The following SIPA1L3 variants were observed in gnomAD, a reference collection of about 807,000 sequenced individuals.
SIPA1L3 encodes signal-induced proliferation-associated 1-like protein 3.
In SIPA1L3, 59 loss-of-function variants were observed where a neutral mutation model predicts 150.1. The observed-to-expected ratio is 0.39, with a 90% CI of 0.32 to 0.49. The LOEUF (loss-of-function observed/expected upper bound fraction) is 0.49, where lower values mean the gene tolerates loss of function less well. Among genes scored for constraint, SIPA1L3 ranks in the 20% least tolerant of loss-of-function variants. The pLI is 0.86. For missense variants in SIPA1L3, 2,211 were observed against 2,489.5 expected (o/e 0.89, Z 2.38); for synonymous variants, 1,070 against 1,077.6 (o/e 0.99, Z 0.14).
chr19:38,033,765 G>A (rs921663684), intron 2 of SIPA1L3, among the ~76,000 whole-genome samples: 6 of 152,102 alleles, frequency 3.9e-5, no homozygotes, highest in Non-Finnish European at 7.4e-5. Context: ...GGAACACAGC[G>A]ACTGGGCTTG....
At chr19:38,200,229 A>G (rs1973054392) in intron 19 of SIPA1L3, 1 of 152,136 alleles carries the variant, frequency 6.6e-6, no homozygotes, top group African/African-American at 2.4e-5. Flanking sequence ...CTAATTTTAA[A>G]ATTAGCCAGG....
At position 38,192,316 on chromosome 19, in the gene SIPA1L3, T is replaced by TAGGG. The variant is rs373039025; in HGVS notation, c.4596+7_4596+10dup. On this transcript the variant is annotated splice_region_variant and intron_variant, in intron 17 of 21. Coordinates refer to ENST00000222345, the MANE Select transcript of SIPA1L3 (RefSeq NM_015073.3). Reference sequence around the variant, plus strand: ...AGCAGGAGAGAGACACGGGAGTACGTAGGGCCCTGTCCCCCGCTCCCGACC... The same window carrying TAGGG: ...AGCAGGAGAGAGACACGGGAGTACGTAGGGAGGGCCCTGTCCCCCGCTCCCGACC... 1 of 1,592,930 alleles carries TAGGG rather than the reference T, an allele frequency of 6.3e-7. No individual in the cohort carries two copies. Among genetic ancestry groups the TAGGG allele is most frequent in the African/African-American group, 1.4e-5 (1 of 73,736 alleles).
At chr19:38,112,576 A>T (rs907088311) in intron 8 of SIPA1L3, among the ~76,000 whole-genome samples, 3 of 152,196 alleles carry the variant, frequency 2.0e-5, no homozygotes, top group Non-Finnish European at 4.4e-5. Flanking sequence ...TTATTATGCA[A>T]TATTTTAACC....
At chr19:38,066,453 C>T (rs937406891) in intron 2 of SIPA1L3, among the ~76,000 whole-genome samples, 1 of 152,172 alleles carries the variant, frequency 6.6e-6, no homozygotes, top group Non-Finnish European at 1.5e-5. Context: ...ACAGTCAAAG[C>T]ATCGTGTACC....
chr19:38,205,953 G>A (rs1973200258), intron 21 of SIPA1L3, 144 bp from the exon 22 acceptor site: 2 of 908,572 alleles, frequency 2.2e-6, no homozygotes, highest in Non-Finnish European at 3.2e-6. Flanking sequence ...GAGGCAGAGT[G>A]GGATGTGTGC....
intron 15 of SIPA1L3, among the ~76,000 whole-genome samples, chr19:38,178,427 C>T (rs1972489666): frequency 6.6e-6 from 1 of 151,178 alleles, no homozygotes; most frequent in South Asian, 2.1e-4. Flanking sequence ...AGCCACCATG[C>T]CCGGCCTTGT....
intron 2 of SIPA1L3, among the ~76,000 whole-genome samples, chr19:38,039,560 G>A (rs1274187041): frequency 1.3e-5 from 2 of 151,942 alleles, no homozygotes; most frequent in Non-Finnish European, 2.9e-5. Context: ...CTGACGTGGT[G>A]GCACGCGCAT....
intron 2 of SIPA1L3, among the ~76,000 whole-genome samples, chr19:38,039,831 TG>T: frequency 6.6e-6 from 1 of 152,078 alleles, no homozygotes; most frequent in Middle Eastern, 3.4e-3. Context: ...TCAAAAATGT[TG>T]AATTCAGCAG....
chr19:38,154,623 T>C (rs566064421), intron 13 of SIPA1L3, among the ~76,000 whole-genome samples: 2 of 152,186 alleles, frequency 1.3e-5, no homozygotes, highest in African/African-American at 4.8e-5. Context: ...AATTTTTGTA[T>C]TTTTAGTAGA....
chr19:38,071,256 T>G (rs1390626826), intron 2 of SIPA1L3, among the ~76,000 whole-genome samples: 9 of 144,736 alleles, frequency 6.2e-5, no homozygotes, highest in African/African-American at 2.1e-4. Context: ...TATCTATCTA[T>G]CTATCTATCT....
At chr19:37,958,808 C>T (rs1599841325) in intron 1 of SIPA1L3, among the ~76,000 whole-genome samples, 1 of 152,162 alleles carries the variant, frequency 6.6e-6, no homozygotes, top group East Asian at 1.9e-4. Flanking sequence ...GACTTATGTG[C>T]TGAATATACA....
At chr19:37,910,951 A>C (rs756214228) in intron 1 of SIPA1L3, among the ~76,000 whole-genome samples, 1 of 151,802 alleles carries the variant, frequency 6.6e-6, no homozygotes, top group Non-Finnish European at 1.5e-5. Context: ...GCGTGTGTGT[A>C]TGTATGTGAT....
At chr19:38,169,554 T>G (rs1972282040) in intron 15 of SIPA1L3, among the ~76,000 whole-genome samples, 1 of 152,182 alleles carries the variant, frequency 6.6e-6, no homozygotes, top group Admixed American at 6.5e-5. Flanking sequence ...ACCACATACC[T>G]ACATCATAGG....
At position 38,162,348 on chromosome 19, in the gene SIPA1L3, G is replaced by T. The variant is rs377007113; in HGVS notation, c.3757G>T (p.Asp1253Tyr). The change falls in exon 14 of 22, where the codon GAT becomes TAT. Residue 1253 changes from aspartate to tyrosine, a missense_variant. Physicochemically the swap from Asp to Tyr is radical, Grantham distance 160. Around this residue, in one of 5 missense-constraint regions of SIPA1L3, gnomAD observed 806 missense variants for 870.1 expected, o/e 0.93. Coordinates refer to ENST00000222345, the MANE Select transcript of SIPA1L3 (RefSeq NM_015073.3). The stretch of plus-strand genomic sequence containing the variant: ...GTCCAGGCAGGATGCAGCAGGCAAA[G>T]ATTCCCCCAACAGGCATTCCAAAGT... ...HPSRQDAAGK[D>Y]SPNRHSKGEP... 3.2e-4 allele frequency: 519 copies of T among 1,614,192 alleles called. No homozygotes were observed. Among genetic ancestry groups the T allele is most frequent in the Admixed American group, 4.7e-4 (28 of 60,028 alleles).
intron 1 of SIPA1L3, among the ~76,000 whole-genome samples, chr19:37,987,750 C>T (rs1433792452): frequency 6.7e-6 from 1 of 149,284 alleles, no homozygotes; most frequent in Non-Finnish European, 1.5e-5. Flanking sequence ...GGGCAGGCCC[C>T]AGTGGGGATA....
chr19:38,005,508 G>A (rs1270517429), intron 1 of SIPA1L3, among the ~76,000 whole-genome samples: 2 of 152,010 alleles, frequency 1.3e-5, no homozygotes, highest in Non-Finnish European at 2.9e-5. Context: ...GGCTGATGCC[G>A]ACTCCTCCTT....
At chr19:37,933,115 C>G (rs1456052976) in intron 1 of SIPA1L3, among the ~76,000 whole-genome samples, 3 of 152,164 alleles carry the variant, frequency 2.0e-5, no homozygotes, top group African/African-American at 7.2e-5. Flanking sequence ...AGCCTGGGCA[C>G]TGAGCGGTGC....
chr19:38,096,500 C>T (rs561413291), intron 4 of SIPA1L3, among the ~76,000 whole-genome samples: 79 of 152,252 alleles, frequency 5.2e-4, no homozygotes, highest in Non-Finnish European at 8.8e-4. Flanking sequence ...CCGCCCACCT[C>T]GACCTCTCAA....
At position 37,922,924 on chromosome 19, in the gene SIPA1L3, C is replaced by T. The variant is rs187530294; in HGVS notation, c.-379+15566C>T. Among the ~76,000 whole-genome samples the T allele has an allele frequency of 7.1e-3, 1,067 of 149,490 alleles. 18 individuals are homozygous for T. The highest frequency in any genetic ancestry group is 0.025 in the African/African-American group (1,020 of 40,694). ...CAGGAGGATCATGAGGTCAGGAGATCGAGACCATCCTGGCTAATACGGTGA... is the reference window on the plus strand; with the variant it reads ...CAGGAGGATCATGAGGTCAGGAGATTGAGACCATCCTGGCTAATACGGTGA... On this transcript the variant is annotated intron_variant, in intron 1 of 21. Coordinates refer to ENST00000222345, the MANE Select transcript of SIPA1L3 (RefSeq NM_015073.3).
Sources: allele counts gnomAD v4.1 joint callset (sites outside exome capture counted in the v4.1 genomes callset), GRCh38; gene constraint gnomAD v4.1.1; regional missense constraint gnomAD v4.1.1; transcripts MANE v1.5; gene names NCBI Gene and HGNC (gene_info 2026-07-23, HGNC 2026-07-21).